CHCHD6: variants seen among roughly 807,000 people sequenced by gnomAD.
CHCHD6 encodes MICOS complex subunit MIC25.
A neutral mutation model predicts 32.3 loss-of-function variants in CHCHD6; 28 were observed. The ratio of observed to expected loss-of-function variants is 0.87; its 90% CI spans 0.64 to 1.19. The LOEUF (loss-of-function observed/expected upper bound fraction) is 1.19. Among genes scored for constraint, CHCHD6 ranks in the 50% most tolerant of loss-of-function variants. The probability of loss-of-function intolerance (pLI) is 0.00; values close to 1 mark genes in which losing one functional copy is unlikely to be tolerated. For synonymous variants in CHCHD6, 122 were observed against 117.5 expected (o/e 1.04, Z -0.25); for missense variants, 333 against 307.0 (o/e 1.08, Z -0.63).
chr3:126,714,368 G>A (rs1934908498), intron 1 of CHCHD6, among the ~76,000 whole-genome samples: 1 of 152,140 alleles, frequency 6.6e-6, no homozygotes, highest in Non-Finnish European at 1.5e-5. Flanking sequence ...GGTGTAGGAG[G>A]TCTCCGAGGG....
At chr3:126,824,560 C>CAAAAAAAAAAAAAAAAAAAAAAAA (rs71150454) in intron 4 of CHCHD6, among the ~76,000 whole-genome samples, 4 of 39,996 alleles carry the variant, frequency 1.0e-4, no homozygotes, top group African/African-American at 4.4e-4. Flanking sequence ...GACTCTGTCT[C>CAAAAAAAAAAAAAAAAAAAAAAAA]AAAAAAAAAA....
chr3:126,919,305 C>T (rs1576602328), intron 6 of CHCHD6, among the ~76,000 whole-genome samples: 1 of 133,580 alleles, frequency 7.5e-6, no homozygotes. Flanking sequence ...TCTACTATTT[C>T]TTTTCTTTTT....
chr3:126,739,114 A>C (rs1389460747), intron 4 of CHCHD6, among the ~76,000 whole-genome samples: 2 of 152,220 alleles, frequency 1.3e-5, no homozygotes, highest in African/African-American at 4.8e-5. Flanking sequence ...AATCCTGTGG[A>C]GATCTGCATT....
intron 1 of CHCHD6, among the ~76,000 whole-genome samples, chr3:126,705,419 T>G (rs1454567928): frequency 6.6e-6 from 1 of 152,204 alleles, no homozygotes; most frequent in Non-Finnish European, 1.5e-5. Flanking sequence ...AAACCCTTTA[T>G]AAGTTAACTG....
chr3:126,809,591 C>T (rs533926353), intron 4 of CHCHD6, among the ~76,000 whole-genome samples: 2 of 152,300 alleles, frequency 1.3e-5, no homozygotes, highest in South Asian at 4.1e-4. Context: ...TGTGTCCGCT[C>T]TTGTGCTGCT....
At chr3:126,888,068 T>TCAGGA (rs1202594942) in intron 5 of CHCHD6, among the ~76,000 whole-genome samples, 1 of 152,206 alleles carries the variant, frequency 6.6e-6, no homozygotes. Context: ...GCCAGAGTCC[T>TCAGGA]GCCTGCTGCC....
chr3:126,801,118 C>G (rs1412128134), intron 4 of CHCHD6, among the ~76,000 whole-genome samples: 1 of 152,244 alleles, frequency 6.6e-6, no homozygotes, highest in African/African-American at 2.4e-5. Flanking sequence ...CGGTCCACAG[C>G]TCCCAGCGTG....
chr3:126,767,229 A>G (rs115445664), intron 4 of CHCHD6: 20,870 of 1,510,770 alleles, frequency 0.014, 214 homozygotes, highest in South Asian at 0.029. Context: ...TGGCCATTGT[A>G]TATTATCTGT....
intron 3 of CHCHD6, 122 bp from the exon 4 acceptor site, chr3:126,732,956 C>A (rs1214680295): frequency 1.8e-6 from 2 of 1,094,150 alleles, no homozygotes; most frequent in Admixed American, 2.0e-5. Flanking sequence ...CCTTTCCTGA[C>A]CAGCCGCTGG....
intron 4 of CHCHD6, among the ~76,000 whole-genome samples, chr3:126,806,936 G>A (rs1357028268): frequency 2.0e-5 from 3 of 151,176 alleles, no homozygotes; most frequent in African/African-American, 7.3e-5. Flanking sequence ...TTCTCAGTAA[G>A]CTATCGCAAG....
At chr3:126,705,091 G>A (rs1006950867) in intron 1 of CHCHD6, among the ~76,000 whole-genome samples, 2 of 152,146 alleles carry the variant, frequency 1.3e-5, no homozygotes, top group African/African-American at 2.4e-5. Context: ...GGGTCTGTGC[G>A]CCGGCTGTTC....
chr3:126,831,149 G>A (rs952925598), intron 4 of CHCHD6, among the ~76,000 whole-genome samples: 4 of 151,810 alleles, frequency 2.6e-5, no homozygotes, highest in East Asian at 3.9e-4. Flanking sequence ...TCAGCCTCCC[G>A]TGTAGCTGGG....
intron 5 of CHCHD6, among the ~76,000 whole-genome samples, chr3:126,883,641 C>T (rs1241735696): frequency 6.6e-6 from 1 of 152,230 alleles, no homozygotes; most frequent in Non-Finnish European, 1.5e-5. Context: ...GCCCGGATTA[C>T]CAGCCACGGC....
chr3:126,711,624 G>A (rs559127291), intron 1 of CHCHD6, among the ~76,000 whole-genome samples: 12 of 152,308 alleles, frequency 7.9e-5, no homozygotes, highest in African/African-American at 2.6e-4. Context: ...AGAAGGATGT[G>A]TCTTTCTCCT....
intron 4 of CHCHD6, among the ~76,000 whole-genome samples, chr3:126,738,180 T>C (rs962466184): frequency 1.2e-4 from 18 of 152,288 alleles, no homozygotes; most frequent in South Asian, 4.2e-4. Flanking sequence ...GCTGCCACCT[T>C]AGCTATGTGA....
At chr3:126,957,672 G>T (rs914936959) in intron 7 of CHCHD6, 121 bp downstream of exon 7, 14 of 1,227,086 alleles carry the variant, frequency 1.1e-5, no homozygotes, top group Non-Finnish European at 1.6e-5. Context: ...CCACTTGGAG[G>T]TCTCTGCATT....
chr3:126,716,585 C>T (rs1389344014), intron 1 of CHCHD6, among the ~76,000 whole-genome samples: 1 of 152,006 alleles, frequency 6.6e-6, no homozygotes, highest in Non-Finnish European at 1.5e-5. Context: ...GTTATGGACC[C>T]AGGCCTCTAA....
intron 4 of CHCHD6, among the ~76,000 whole-genome samples, chr3:126,834,709 C>T (rs1375059645): frequency 5.3e-5 from 8 of 152,200 alleles, no homozygotes; most frequent in South Asian, 2.1e-4. Flanking sequence ...GGCTACTTCA[C>T]GACAGAAGGA....
intron 4 of CHCHD6, among the ~76,000 whole-genome samples, chr3:126,787,293 G>T (rs1559843286): frequency 6.6e-6 from 1 of 152,190 alleles, no homozygotes; most frequent in Non-Finnish European, 1.5e-5. Flanking sequence ...GCTTAGGATT[G>T]ACTTGGCAAT....
Sources: gnomAD v4.1 joint callset for allele counts (sites outside exome capture counted in the v4.1 genomes callset) on GRCh38, gnomAD v4.1.1 for gene constraint, MANE v1.5 for transcripts, NCBI Gene and HGNC (gene_info 2026-07-23, HGNC 2026-07-21) for gene names.